EPHA3: variants seen among roughly 807,000 people sequenced by gnomAD.
The protein encoded by EPHA3 is ephrin type-A receptor 3.
A neutral mutation model predicts 107.1 loss-of-function variants in EPHA3; 42 were observed. The ratio of observed to expected loss-of-function variants is 0.39; its 90% CI spans 0.31 to 0.51. EPHA3 has a LOEUF of 0.51. Ranked by LOEUF, EPHA3 falls within the 20% of genes least tolerant of loss-of-function variation. The pLI is 0.78. For synonymous variants in EPHA3, 461 were observed against 424.8 expected, an observed-to-expected ratio of 1.09 and a Z score of -1.05; for missense variants, 1,183 against 1,211.2, an observed-to-expected ratio of 0.98 and a Z score of 0.35.
Position 89,351,316 on chromosome 3 carries a change from G to A in EPHA3, c.1306+9226G>A, listed in dbSNP as rs911896644. ...TGAGCCAGGTGTGGGATATAGTCTC[G>A]TGGTGCGCTGTTTTTTAAGCCGGTC... On this transcript the variant is annotated intron_variant, in intron 5 of 16. Transcript: ENST00000336596. Among the ~76,000 whole-genome samples, 12 of 151,236 alleles carry A rather than the reference G, an allele frequency of 7.9e-5. 1 individual carries two copies. In the South Asian group the frequency reaches 8.3e-4, roughly 11 times the overall value.
rs1710613000 is a variant in EPHA3, at chr3:89,481,067, T to C, written c.*1565T>C. On this transcript the variant is annotated 3_prime_UTR_variant, in exon 17 of 17. Coordinates refer to ENST00000336596, the MANE Select transcript of EPHA3 (RefSeq NM_005233.6). ...TTCTGAAGCAACATTTTAGCTCTAT[T>C]GATACTCTTTCTAATGCTGATATGA... The C allele has an allele frequency of 4.3e-6, 1 of 231,788 alleles. No homozygotes were observed. Among genetic ancestry groups the C allele is most frequent in the Non-Finnish European group, 8.5e-6 (1 of 117,228 alleles). The allele number at this position is 231,788 out of a possible 1,614,324, so 14.4% of individuals were successfully genotyped here. A position where few individuals can be genotyped will look rare whatever the true frequency, so the allele number is the denominator to read the frequency against.
chr3:89,347,482 T>G (rs1313188580), intron 5 of EPHA3, among the ~76,000 whole-genome samples: 1 of 148,982 alleles, frequency 6.7e-6, no homozygotes, highest in Non-Finnish European at 1.5e-5. Flanking sequence ...GAGACTTTGC[T>G]GAAGTTGCTT....
chr3:89,366,373 T>A (rs1197020238), intron 5 of EPHA3, among the ~76,000 whole-genome samples: 1 of 150,518 alleles, frequency 6.6e-6, no homozygotes, highest in Non-Finnish European at 1.5e-5. Flanking sequence ...GAAGAAAGGA[T>A]GATAATACCA....
chr3:89,212,454 C>T (rs1464765224), intron 3 of EPHA3, among the ~76,000 whole-genome samples: 2 of 152,046 alleles, frequency 1.3e-5, no homozygotes, highest in East Asian at 3.9e-4. Flanking sequence ...CACTTTCAAG[C>T]ATTGACAATA....
chr3:89,469,218 A>T (rs1193129172), intron 15 of EPHA3, among the ~76,000 whole-genome samples: 6 of 152,202 alleles, frequency 3.9e-5, no homozygotes, highest in Non-Finnish European at 8.8e-5. Flanking sequence ...TCTAGTGGAC[A>T]GAAGTTTGAA....
chr3:89,313,877 T>G (rs958716734), intron 3 of EPHA3, among the ~76,000 whole-genome samples: 4 of 151,988 alleles, frequency 2.6e-5, no homozygotes, highest in Admixed American at 6.6e-5. Context: ...AAAAGAAATA[T>G]TCTCTTGTTA....
chr3:89,340,285 T>C (rs1707488287), intron 3 of EPHA3, among the ~76,000 whole-genome samples: 2 of 152,228 alleles, frequency 1.3e-5, no homozygotes, highest in South Asian at 4.1e-4. Flanking sequence ...ATAGGAACTG[T>C]ATATCCCTCT....
intron 2 of EPHA3, among the ~76,000 whole-genome samples, chr3:89,164,451 A>G (rs190751142): frequency 6.6e-6 from 1 of 152,320 alleles, no homozygotes; most frequent in East Asian, 1.9e-4. Flanking sequence ...GCTGGGATTA[A>G]CTGGAAATCT....
At chr3:89,316,685 T>A (rs1263601443) in intron 3 of EPHA3, among the ~76,000 whole-genome samples, 2 of 151,102 alleles carry the variant, frequency 1.3e-5, no homozygotes, top group African/African-American at 2.4e-5. Flanking sequence ...TACTTAATGC[T>A]CTCTTATGGA....
chr3:89,202,721 A>G (rs1468918766), intron 2 of EPHA3, among the ~76,000 whole-genome samples: 2 of 152,038 alleles, frequency 1.3e-5, no homozygotes, highest in African/African-American at 4.8e-5. Context: ...GTAGAATGCT[A>G]TCAAACTACA....
chr3:89,232,123 G>A (rs1160210067), intron 3 of EPHA3, among the ~76,000 whole-genome samples: 1 of 151,910 alleles, frequency 6.6e-6, no homozygotes, highest in Non-Finnish European at 1.5e-5. Flanking sequence ...TATATTTTGG[G>A]GTGTCGTGTT....
At chr3:89,143,004 A>G (rs1260714271) in intron 2 of EPHA3, among the ~76,000 whole-genome samples, 1 of 151,340 alleles carries the variant, frequency 6.6e-6, no homozygotes, top group African/African-American at 2.4e-5. Context: ...ATTATTAAAT[A>G]TCTTAATATG....
intron 13 of EPHA3, 38 bp from the exon 14 acceptor site, chr3:89,449,187 C>A: frequency 6.4e-7 from 1 of 1,562,166 alleles, no homozygotes; most frequent in Non-Finnish European, 8.7e-7. Context: ...ATGTTCTATG[C>A]ATTGCTGATT....
At chr3:89,285,000 C>A (rs1706044874) in intron 3 of EPHA3, among the ~76,000 whole-genome samples, 1 of 152,006 alleles carries the variant, frequency 6.6e-6, no homozygotes, top group African/African-American at 2.4e-5. Context: ...GTGGTGGGAG[C>A]CTGTAATCCT....
intron 3 of EPHA3, among the ~76,000 whole-genome samples, chr3:89,316,505 A>T (rs376124405): frequency 9.6e-5 from 10 of 104,128 alleles, no homozygotes; most frequent in South Asian, 7.7e-4. Flanking sequence ...GTGTGTGTGT[A>T]ATATATATAT....
intron 2 of EPHA3, among the ~76,000 whole-genome samples, chr3:89,188,649 G>A (rs1705628856): frequency 6.6e-6 from 1 of 152,024 alleles, no homozygotes; most frequent in Non-Finnish European, 1.5e-5. Context: ...CTCATAACAG[G>A]TGCTATTACA....
At chr3:89,315,755 T>C (rs941977051) in intron 3 of EPHA3, among the ~76,000 whole-genome samples, 5 of 151,902 alleles carry the variant, frequency 3.3e-5, no homozygotes, top group African/African-American at 7.2e-5. Context: ...GCTAAAATTA[T>C]AGGTGCCAGT....
intron 2 of EPHA3, among the ~76,000 whole-genome samples, chr3:89,169,879 T>C (rs548962423): frequency 6.6e-6 from 1 of 152,294 alleles, no homozygotes; most frequent in East Asian, 1.9e-4. Flanking sequence ...CCTGAAGCCT[T>C]TGTTAATTAG....
At chr3:89,213,565 A>AT (rs533600656) in intron 3 of EPHA3, among the ~76,000 whole-genome samples, 91 of 152,170 alleles carry the variant, frequency 6.0e-4, no homozygotes, top group South Asian at 2.7e-3. Flanking sequence ...TCTCGTTAGA[A>AT]TAACGAATAG....
Sources: allele counts gnomAD v4.1 joint callset (sites outside exome capture counted in the v4.1 genomes callset), GRCh38; gene constraint gnomAD v4.1.1; transcripts MANE v1.5; gene names NCBI Gene and HGNC (gene_info 2026-07-23, HGNC 2026-07-21).